The following PPARD variants were observed in gnomAD, a reference collection of about 807,000 sequenced individuals.
PPARD encodes the protein peroxisome proliferator activated receptor delta, also known as peroxisome proliferator-activated receptor delta.
A neutral mutation model predicts 39.5 loss-of-function variants in PPARD; 6 were observed. That is an observed-to-expected ratio of 0.15 (90% CI 0.08 to 0.30). The LOEUF is 0.30. Ranked by LOEUF, PPARD falls within the 10% of genes least tolerant of loss-of-function variation. The pLI is 1.00. For synonymous variants in PPARD, 210 were observed against 231.3 expected (o/e 0.91, Z 0.83); for missense variants, 397 against 596.8 (o/e 0.67, Z 3.49).
At chr6:35,421,488 C>T (rs1158091085) in intron 4 of PPARD, among the ~76,000 whole-genome samples, 3 of 151,136 alleles carry the variant, frequency 2.0e-5, no homozygotes, top group Non-Finnish European at 4.4e-5. Flanking sequence ...CAGGGGTGTG[C>T]CACTACACCC....
At chr6:35,396,291 A>G (rs1319885999) in intron 2 of PPARD, among the ~76,000 whole-genome samples, 6 of 147,132 alleles carry the variant, frequency 4.1e-5, no homozygotes, top group Non-Finnish European at 9.0e-5. Flanking sequence ...TGCAAGCTCC[A>G]CCTCCCAGGT....
At chr6:35,396,558 T>C (rs1581621281) in intron 2 of PPARD, among the ~76,000 whole-genome samples, 1 of 128,476 alleles carries the variant, frequency 7.8e-6, no homozygotes. Flanking sequence ...AGGCCAGGCG[T>C]GGTGGCTCAT....
At chr6:35,346,823 C>G (rs897448482) in intron 1 of PPARD, among the ~76,000 whole-genome samples, 16 of 152,236 alleles carry the variant, frequency 1.1e-4, no homozygotes, top group African/African-American at 3.9e-4. Context: ...CTGCGCCGAC[C>G]TGATAAAATC....
intron 4 of PPARD, among the ~76,000 whole-genome samples, chr6:35,421,049 A>T (rs1472671185): frequency 6.6e-6 from 1 of 151,778 alleles, no homozygotes; most frequent in Admixed American, 6.6e-5. Flanking sequence ...CTGGTCTCGA[A>T]CTCCTGACCT....
chr6:35,384,294 G>A (rs1470472643), intron 2 of PPARD, among the ~76,000 whole-genome samples: 11 of 136,566 alleles, frequency 8.1e-5, no homozygotes, highest in East Asian at 2.3e-4. Flanking sequence ...CAGCCGCCCC[G>A]TCCGGGAGGG....
intron 2 of PPARD, among the ~76,000 whole-genome samples, chr6:35,376,813 G>T (rs1043526226): frequency 2.6e-5 from 4 of 152,030 alleles, no homozygotes; most frequent in Non-Finnish European, 5.9e-5. Flanking sequence ...GAGGTCAGGA[G>T]ATTGAGACCA....
intron 2 of PPARD, among the ~76,000 whole-genome samples, chr6:35,350,355 C>T (rs1407119164): frequency 6.6e-6 from 1 of 152,112 alleles, no homozygotes; most frequent in Non-Finnish European, 1.5e-5. Context: ...GAGATTTTCT[C>T]CTGTTTTCTT....
At chr6:35,344,044 G>A (rs114975365) in intron 1 of PPARD, among the ~76,000 whole-genome samples, 2,247 of 152,086 alleles carry the variant, frequency 0.015, 34 homozygotes, top group African/African-American at 0.036. Flanking sequence ...TGGGGCTGGC[G>A]GGCATCTGTC....
At chr6:35,413,233 C>G (rs1765543858) in intron 3 of PPARD, among the ~76,000 whole-genome samples, 5 of 152,306 alleles carry the variant, frequency 3.3e-5, no homozygotes, top group Admixed American at 2.6e-4. Context: ...TGGCGGTGAC[C>G]TCTCAGGCAG....
At position 35,363,890 on chromosome 6, in the gene PPARD, G is replaced by GT. The variant is rs1191614901; in HGVS notation, c.-102+16745dup. 6.6e-6 allele frequency among the ~76,000 whole-genome samples: 1 copy of GT among 150,774 alleles called. No individual in the cohort carries two copies. Among genetic ancestry groups the GT allele is most frequent in the Non-Finnish European group, 1.5e-5 (1 of 67,754 alleles). On this transcript the variant is annotated intron_variant, in intron 2 of 7. Coordinates refer to ENST00000360694, the MANE Select transcript of PPARD (RefSeq NM_006238.5). The surrounding 1 kb of genome is among the most constrained non-coding windows in gnomAD (Gnocchi z 4.5). ...CCACTTTAAAGTGTGTACTTTGATGGTTTTTGTATATTAACTGTGTTTTAT... is the reference window on the plus strand; with the variant it reads ...CCACTTTAAAGTGTGTACTTTGATGGTTTTTTGTATATTAACTGTGTTTTAT...
intron 2 of PPARD, among the ~76,000 whole-genome samples, chr6:35,409,588 CA>C (rs1339080031): frequency 1.3e-5 from 2 of 151,600 alleles, no homozygotes; most frequent in African/African-American, 4.8e-5. Flanking sequence ...GTTCAGGGTA[CA>C]GATGCAGGTT....
At chr6:35,414,025 C>T (rs1198656613) in intron 3 of PPARD, among the ~76,000 whole-genome samples, 3 of 152,072 alleles carry the variant, frequency 2.0e-5, no homozygotes, top group East Asian at 1.9e-4. Flanking sequence ...AGGAACGTGT[C>T]CTGTGTAAGT....
chr6:35,426,419 T>G lies in PPARD; in HGVS notation c.*340T>G. 2.8e-6 allele frequency: 1 copy of G among 359,524 alleles called. No homozygotes were observed. The highest frequency in any genetic ancestry group is 5.2e-6 in the Non-Finnish European group (1 of 193,704). The allele number at this position is 359,524 out of a possible 1,614,324, so 22.3% of individuals were successfully genotyped here. On this transcript the variant is annotated 3_prime_UTR_variant, in exon 8 of 8. Coordinates refer to ENST00000360694, the MANE Select transcript of PPARD (RefSeq NM_006238.5). The stretch of plus-strand genomic sequence containing the variant: ...CACCCCCCACGTCTGTCCTCCTTTC[T>G]TATTCTGTGAGATGTTTTGTATTAT...
At chr6:35,359,621 G>C (rs1761819655) in intron 2 of PPARD, among the ~76,000 whole-genome samples, 1 of 152,088 alleles carries the variant, frequency 6.6e-6, no homozygotes, top group African/African-American at 2.4e-5. Flanking sequence ...GGTCTCCCCA[G>C]TGGGACTCCC....
intron 2 of PPARD, among the ~76,000 whole-genome samples, chr6:35,354,588 C>T (rs1327958635): frequency 2.0e-5 from 3 of 152,032 alleles, no homozygotes; most frequent in Non-Finnish European, 2.9e-5. Context: ...CATGAGCCAC[C>T]GTGCCCCGGT....
In PPARD at chr6:35,427,695, G is replaced by A. The variant is rs1766670609; in HGVS notation, c.*1616G>A. 6.6e-6 allele frequency: 1 copy of A among 152,414 alleles called. No individual in the cohort carries two copies. Among genetic ancestry groups the A allele is most frequent in the East Asian group, 1.9e-4 (1 of 5,178 alleles). 9.4% of individuals were successfully genotyped at this position (152,414 alleles called of 1,614,324 possible). On this transcript the variant is annotated 3_prime_UTR_variant, in exon 8 of 8. Coordinates refer to ENST00000360694, the MANE Select transcript of PPARD (RefSeq NM_006238.5). The stretch of plus-strand genomic sequence containing the variant: ...CGGCGCAGAGCCCTCCAGGCCTGCA[G>A]GGGCAAGGGGCTGGCTGGAGTCTCA...
intron 3 of PPARD, among the ~76,000 whole-genome samples, chr6:35,416,374 CAAAAAAAAAAAAAAAA>C (rs1170617869): frequency 5.7e-5 from 3 of 52,614 alleles, no homozygotes; most frequent in East Asian, 8.3e-4. Flanking sequence ...GACTTCATCT[CAAAAAAAAAAAAAAAA>C]AAAAAAAAAA....
chr6:35,404,730 G>T (rs1434656358), intron 2 of PPARD, among the ~76,000 whole-genome samples: 1 of 152,206 alleles, frequency 6.6e-6, no homozygotes, highest in Admixed American at 6.5e-5. Flanking sequence ...CTGGGCCCCA[G>T]GTGGCTTAGT....
intron 2 of PPARD, among the ~76,000 whole-genome samples, chr6:35,373,278 A>T (rs1762601211): frequency 6.6e-6 from 1 of 152,220 alleles, no homozygotes; most frequent in South Asian, 2.1e-4. Context: ...AATGTCTTAT[A>T]GAGTAATCGG....
Sources: gnomAD v4.1 joint callset for allele counts (sites outside exome capture counted in the v4.1 genomes callset) on GRCh38, gnomAD v4.1.1 for gene constraint, Gnocchi (gnomAD v3.1) non-coding constraint, MANE v1.5 for transcripts, NCBI Gene and HGNC (gene_info 2026-07-23, HGNC 2026-07-21) for gene names.